PRKCH: variants seen among roughly 807,000 people sequenced by gnomAD.
PRKCH encodes protein kinase C eta type.
In PRKCH, 28 loss-of-function variants were observed where a neutral mutation model predicts 82.5. That is an observed-to-expected ratio of 0.34 (90% CI 0.25 to 0.47). PRKCH has a LOEUF of 0.47. Among genes scored for constraint, PRKCH ranks in the 20% least tolerant of loss-of-function variants. The pLI is 1.00. For missense variants in PRKCH, 705 were observed against 881.8 expected (o/e 0.80, Z 2.54); for synonymous variants, 322 against 327.4 (o/e 0.98, Z 0.18).
intron 1 of PRKCH, among the ~76,000 whole-genome samples, chr14:61,385,384 C>T (rs2046572232): frequency 6.6e-6 from 1 of 152,036 alleles, no homozygotes; most frequent in Admixed American, 6.6e-5. Flanking sequence ...AAATGAAGCA[C>T]TTAGGTTTTT....
intron 10 of PRKCH, among the ~76,000 whole-genome samples, chr14:61,518,029 T>C (rs1005049832): frequency 2.6e-5 from 4 of 152,242 alleles, no homozygotes; most frequent in Non-Finnish European, 5.9e-5. Flanking sequence ...TTTCTGTGGG[T>C]CAGCTGCACT....
chr14:61,547,998 G>T (rs980022021), intron 13 of PRKCH, 112 bp downstream of exon 13: 37 of 1,408,096 alleles, frequency 2.6e-5, no homozygotes, highest in Admixed American at 2.2e-4. Context: ...CAGAAATTCA[G>T]CTGGATACTG....
chr14:61,321,249 G>C (rs553069174), upstream of PRKCH, among the ~76,000 whole-genome samples: 10 of 152,362 alleles, frequency 6.6e-5, no homozygotes, highest in Non-Finnish European at 1.2e-4. The surrounding 1 kb of genome is among the most constrained non-coding windows in gnomAD (Gnocchi z 4.1). Context: ...GAGAGGGGGC[G>C]GGCGACTCCT....
At chr14:61,421,683 A>G (rs1490197959) in intron 2 of PRKCH, among the ~76,000 whole-genome samples, 1 of 152,166 alleles carries the variant, frequency 6.6e-6, no homozygotes, top group Non-Finnish European at 1.5e-5. Context: ...TTACTAATTT[A>G]TGGAAACACC....
chr14:61,280,368 G>A lies in PRKCH; in HGVS notation c.-19+92700G>A. The A allele has an allele frequency of 6.2e-7, 1 of 1,613,906 alleles. No homozygotes were observed. Among genetic ancestry groups the A allele is most frequent in the Non-Finnish European group, 8.5e-7 (1 of 1,179,836 alleles). Reference sequence around the variant, plus strand: ...TGCGCGCGTACAGTTTGCGGAACGTGGGCAGCGCCGCCGTGCGCATCCACA... The same window carrying A: ...TGCGCGCGTACAGTTTGCGGAACGTAGGCAGCGCCGCCGTGCGCATCCACA... On this transcript the variant is annotated intron_variant, in intron 1 of 3. Transcript: ENST00000555185. The surrounding 1 kb of genome is among the most constrained non-coding windows in gnomAD (Gnocchi z 5.0).
At chr14:61,282,270 C>CTTTTTT (rs10719485) in intron 1 of PRKCH, among the ~76,000 whole-genome samples, 1 of 129,350 alleles carries the variant, frequency 7.7e-6, no homozygotes, top group Non-Finnish European at 1.7e-5. Context: ...GGGATTCTGG[C>CTTTTTT]TTTTTTTTTT....
intron 10 of PRKCH, among the ~76,000 whole-genome samples, chr14:61,526,851 C>T (rs532038480): frequency 6.6e-6 from 1 of 152,384 alleles, no homozygotes; most frequent in Admixed American, 6.5e-5. Flanking sequence ...CACAAAGCTC[C>T]AGGCCACCTA....
intron 1 of PRKCH, among the ~76,000 whole-genome samples, chr14:61,227,467 G>T (rs532492668): frequency 6.6e-6 from 1 of 152,106 alleles, no homozygotes; most frequent in Non-Finnish European, 1.5e-5. Flanking sequence ...GGTGGCGAGC[G>T]CCCGTAGTCC....
chr14:61,230,056 C>T (rs2044729266), intron 1 of PRKCH, among the ~76,000 whole-genome samples: 1 of 151,978 alleles, frequency 6.6e-6, no homozygotes, highest in Admixed American at 6.6e-5. Context: ...TTAATGGGCC[C>T]TTAAGTAGGA....
At chr14:61,459,749 A>G (rs1884945769) in intron 9 of PRKCH, among the ~76,000 whole-genome samples, 1 of 152,244 alleles carries the variant, frequency 6.6e-6, no homozygotes. Context: ...TTTTCTGTAC[A>G]TAAAAGCATA....
intron 10 of PRKCH, among the ~76,000 whole-genome samples, chr14:61,522,404 C>T (rs534164316): frequency 6.6e-6 from 1 of 152,264 alleles, no homozygotes; most frequent in South Asian, 2.1e-4. Flanking sequence ...TCCTCACTGG[C>T]CCCTGCCTCA....
In PRKCH at chr14:61,541,369, C is replaced by G. The variant is rs192310392; in HGVS notation, c.1762-6374C>G. Among the ~76,000 whole-genome samples the G allele has an allele frequency of 2.0e-5, 3 of 152,348 alleles. No individual in the cohort carries two copies. In the East Asian group the frequency reaches 5.8e-4, roughly 29 times the overall value. The stretch of plus-strand genomic sequence containing the variant: ...GGGCGTCATGGCTGTGAACCGCACT[C>G]TATTCTGTGTCCTGTGCTCTTTCTC... On this transcript the variant is annotated intron_variant, in intron 12 of 13. Transcript: ENST00000332981.
At chr14:61,268,750 C>T (rs2045126399) in intron 1 of PRKCH, among the ~76,000 whole-genome samples, 1 of 152,160 alleles carries the variant, frequency 6.6e-6, no homozygotes, top group South Asian at 2.1e-4. Context: ...CCACCTAAAG[C>T]TTTTTGCTTT....
intron 9 of PRKCH, among the ~76,000 whole-genome samples, chr14:61,458,655 G>A (rs1387143212): frequency 6.6e-6 from 1 of 152,180 alleles, no homozygotes; most frequent in Non-Finnish European, 1.5e-5. Flanking sequence ...TTGACTCACA[G>A]TTCCACAGGC....
chr14:61,482,846 TC>T (rs1330027145), intron 9 of PRKCH, among the ~76,000 whole-genome samples: 1 of 152,132 alleles, frequency 6.6e-6, no homozygotes, highest in African/African-American at 2.4e-5. Context: ...CAGGATTTTC[TC>T]CCCCCAGATC....
chr14:61,517,074 C>A (rs988037053), intron 10 of PRKCH, among the ~76,000 whole-genome samples: 2 of 152,132 alleles, frequency 1.3e-5, no homozygotes, highest in African/African-American at 4.8e-5. Flanking sequence ...GGCCACAGTA[C>A]TGATTCTAGT....
intron 1 of PRKCH, among the ~76,000 whole-genome samples, chr14:61,338,360 C>CT (rs899676398): frequency 3.9e-5 from 6 of 151,950 alleles, no homozygotes; most frequent in East Asian, 1.9e-4. Flanking sequence ...TACAGATTTA[C>CT]TTTTTTTTGG....
intron 1 of PRKCH, among the ~76,000 whole-genome samples, chr14:61,336,761 C>A (rs2140133104): frequency 6.6e-6 from 1 of 152,146 alleles, no homozygotes; most frequent in East Asian, 1.9e-4. Flanking sequence ...AGGAGGAAAA[C>A]TCTAGTTTTA....
chr14:61,429,097 C>A (rs1275227157), intron 2 of PRKCH, among the ~76,000 whole-genome samples: 1 of 152,150 alleles, frequency 6.6e-6, no homozygotes, highest in East Asian at 1.9e-4. Context: ...TTTAGGGACT[C>A]CTAGCATTTT....
Sources: allele counts gnomAD v4.1 joint callset (sites outside exome capture counted in the v4.1 genomes callset), GRCh38; gene constraint gnomAD v4.1.1; non-coding constraint Gnocchi (gnomAD v3.1); transcripts MANE v1.5; gene names NCBI Gene and HGNC (gene_info 2026-07-23, HGNC 2026-07-21).